Variants in CHD6 observed in about 807,000 individuals in gnomAD.
CHD6 encodes the protein chromodomain helicase DNA binding protein 6.
In CHD6, 50 loss-of-function variants were observed where a neutral mutation model predicts 276.9. That is an observed-to-expected ratio of 0.18 (90% CI 0.14 to 0.23). The LOEUF (loss-of-function observed/expected upper bound fraction) is 0.23, where lower values mean the gene tolerates loss of function less well. Among genes scored for constraint, CHD6 ranks in the 10% least tolerant of loss-of-function variants. CHD6 has a pLI of 1.00. For missense variants in CHD6, 2,564 were observed against 3,365.8 expected (o/e 0.76, Z 5.89); for synonymous variants, 1,173 against 1,229.3 (o/e 0.95, Z 0.96).
rs142671789 is a variant in CHD6, at chr20:41,534,609, A to G, written c.34-1039T>C. ...GCGGGGGGCAGATCTTTATCATATC[A>G]ATACAGTCCAGCCTCATAAGCCTAA... On this transcript the variant is annotated intron_variant, in intron 2 of 36. Coordinates refer to ENST00000373233, the MANE Select transcript of CHD6 (RefSeq NM_032221.5). 2.6e-3 allele frequency among the ~76,000 whole-genome samples: 392 copies of G among 152,212 alleles called. 2 individuals carry two copies. The highest frequency in any genetic ancestry group is 7.0e-3 in the African/African-American group (290 of 41,512).
At chr20:41,488,689 T>C in intron 12 of CHD6, 85 bp from the exon 13 acceptor site, 1 of 1,186,742 alleles carries the variant, frequency 8.4e-7, no homozygotes, top group Non-Finnish European at 1.2e-6. Context: ...GAGGCAGCAC[T>C]ACAGATGCTG....
At chr20:41,461,387 T>C (rs2048542947) in intron 17 of CHD6, among the ~76,000 whole-genome samples, 1 of 152,138 alleles carries the variant, frequency 6.6e-6, no homozygotes, top group Non-Finnish European at 1.5e-5. Flanking sequence ...ACTTGAATTG[T>C]ATCTCCCAGA....
chr20:41,452,075 T>TG lies in CHD6; in HGVS notation c.3324-51dup. ...GTTGGAGGGAGAATGGACCAGGCCA[T>TG]GCAGGCAGCCTCCCCACAGGAGGAG... On this transcript the variant is annotated intron_variant, in intron 21 of 36. Coordinates refer to ENST00000373233, the MANE Select transcript of CHD6 (RefSeq NM_032221.5). This position sits in a 1 kb window ranked among gnomAD's most constrained non-coding sequence, Gnocchi z 4.2. 7.0e-7 allele frequency: 1 copy of TG among 1,434,756 alleles called. No homozygotes were observed. Among genetic ancestry groups the TG allele is most frequent in the South Asian group, 1.2e-5 (1 of 86,150 alleles). 88.9% of individuals were successfully genotyped at this position (1,434,756 alleles called of 1,614,324 possible).
chr20:41,605,157 G>C (rs943640343), intron 1 of CHD6, among the ~76,000 whole-genome samples: 1 of 152,094 alleles, frequency 6.6e-6, no homozygotes, highest in Non-Finnish European at 1.5e-5. Flanking sequence ...CATATATAGA[G>C]AGACAGAAAG....
In CHD6 at chr20:41,420,531, C is replaced by CT; in HGVS notation, c.6103dup (p.Arg2035LysfsTer7). 1 of 1,612,482 alleles carries CT rather than the reference C, an allele frequency of 6.2e-7. No individual in the cohort carries two copies. The highest frequency in any genetic ancestry group is 8.5e-7 in the Non-Finnish European group (1 of 1,179,820). On this transcript the variant is annotated frameshift_variant, in exon 31 of 37. Coordinates refer to ENST00000373233, the MANE Select transcript of CHD6 (RefSeq NM_032221.5). LOFTEE classifies it high-confidence loss of function. ...ACCTTGACTATGGCAGTTTCCGTCT[C>CT]TATCATAATCATCTTTATTCTCAAA...
chr20:41,517,494 C>A (rs1366813885), intron 3 of CHD6, among the ~76,000 whole-genome samples: 1 of 152,136 alleles, frequency 6.6e-6, no homozygotes, highest in Non-Finnish European at 1.5e-5. Context: ...AGGGGTCATG[C>A]CATTTTTGAG....
At chr20:41,522,035 G>A (rs959297664) in intron 3 of CHD6, among the ~76,000 whole-genome samples, 9 of 152,300 alleles carry the variant, frequency 5.9e-5, no homozygotes, top group African/African-American at 2.2e-4. Context: ...TGTAAAGGAA[G>A]TGGTAGTTAG....
intron 27 of CHD6, among the ~76,000 whole-genome samples, chr20:41,432,068 G>A (rs1383362676): frequency 1.3e-5 from 2 of 149,514 alleles, no homozygotes; most frequent in African/African-American, 5.0e-5. Flanking sequence ...GCTGAGGCAG[G>A]AGAATCACTT....
At chr20:41,491,917 G>C (rs1458941354) in intron 10 of CHD6, 98 bp from the exon 11 acceptor site, 1 of 1,370,080 alleles carries the variant, frequency 7.3e-7, no homozygotes, top group Non-Finnish European at 1.0e-6. Context: ...ACTGTCCCAA[G>C]GCTGGTTTCA....
intron 17 of CHD6, among the ~76,000 whole-genome samples, chr20:41,461,197 C>T (rs765650310): frequency 9.2e-5 from 14 of 152,176 alleles, no homozygotes; most frequent in Non-Finnish European, 1.8e-4. Context: ...TTTACAGGCT[C>T]ATAGGCAGAA....
chr20:41,507,511 G>A (rs549769998), intron 5 of CHD6, among the ~76,000 whole-genome samples: 1 of 152,172 alleles, frequency 6.6e-6, no homozygotes, highest in African/African-American at 2.4e-5. Flanking sequence ...AAAGGGAGCA[G>A]CCTTTCTGAA....
intron 3 of CHD6, among the ~76,000 whole-genome samples, chr20:41,524,573 T>A (rs1320940864): frequency 7.2e-5 from 11 of 152,208 alleles, no homozygotes; most frequent in Admixed American, 7.2e-4. Flanking sequence ...ATAAAAAGTA[T>A]AACCCATCCT....
intron 1 of CHD6, among the ~76,000 whole-genome samples, chr20:41,617,881 G>A (rs1309097781): frequency 6.7e-6 from 1 of 149,848 alleles, no homozygotes; most frequent in Non-Finnish European, 1.5e-5. Context: ...GGGCGGCGGC[G>A]GGAATAGCGG....
chr20:41,410,229 G>A (rs534303508), intron 36 of CHD6, among the ~76,000 whole-genome samples: 28 of 152,262 alleles, frequency 1.8e-4, no homozygotes, highest in African/African-American at 6.5e-4. Flanking sequence ...GGTTTAGGAC[G>A]GTGATTAGGT....
chr20:41,403,887 G>A lies in CHD6; in HGVS notation c.*706C>T, dbSNP rs1158548189. The A allele has an allele frequency of 9.5e-7, 1 of 1,056,704 alleles. No homozygotes were observed. The highest frequency in any genetic ancestry group is 1.7e-5 in the African/African-American group (1 of 60,536). 65.5% of individuals were successfully genotyped at this position (1,056,704 alleles called of 1,614,324 possible). On this transcript the variant is annotated 3_prime_UTR_variant, in exon 37 of 37. Transcript: ENST00000373233. ...TGGGTAAAGCTTTCTCGCAGCAAGA[G>A]GAATCTTTTCACTGGTGAGAGGGAT...
chr20:41,590,935 C>T (rs566226811), intron 1 of CHD6, among the ~76,000 whole-genome samples: 6 of 151,140 alleles, frequency 4.0e-5, no homozygotes, highest in Non-Finnish European at 7.4e-5. Context: ...GCACTATTCA[C>T]AATAGCAAAG....
intron 1 of CHD6, among the ~76,000 whole-genome samples, chr20:41,614,529 G>T (rs1257340620): frequency 6.6e-6 from 1 of 152,112 alleles, no homozygotes; most frequent in Non-Finnish European, 1.5e-5. Context: ...AACAGTGATG[G>T]CAAACAACAT....
chr20:41,606,864 T>C (rs1218989672), intron 1 of CHD6, among the ~76,000 whole-genome samples: 1 of 152,118 alleles, frequency 6.6e-6, no homozygotes, highest in East Asian at 1.9e-4. Context: ...GTAGCCTGGG[T>C]ACTGGTATTT....
intron 27 of CHD6, among the ~76,000 whole-genome samples, chr20:41,436,683 A>T (rs1600853635): frequency 6.6e-6 from 1 of 152,336 alleles, no homozygotes; most frequent in East Asian, 1.9e-4. Context: ...CAGCAGTGAA[A>T]AGGAATGAAC....
Sources: allele counts gnomAD v4.1 joint callset (sites outside exome capture counted in the v4.1 genomes callset), GRCh38; gene constraint gnomAD v4.1.1; non-coding constraint Gnocchi (gnomAD v3.1); transcripts MANE v1.5; gene names NCBI Gene and HGNC (gene_info 2026-07-23, HGNC 2026-07-21).